MAK: variants seen among roughly 807,000 people sequenced by gnomAD.
The protein encoded by MAK is male germ cell associated kinase.
In MAK, 65 loss-of-function variants were observed where a neutral mutation model predicts 82.6. The ratio of observed to expected loss-of-function variants is 0.79; its 90% CI spans 0.64 to 0.97. The LOEUF is 0.97. MAK is among the 50% of genes least tolerant of loss of function. The probability of loss-of-function intolerance (pLI) is 0.00; values close to 1 mark genes in which losing one functional copy is unlikely to be tolerated. For missense variants in MAK, 703 were observed against 780.2 expected, an observed-to-expected ratio of 0.90 and a Z score of 1.18; for synonymous variants, 250 against 274.2, an observed-to-expected ratio of 0.91 and a Z score of 0.87.
chr6:10,782,983 CTT>C (rs938843902), intron 11 of MAK, among the ~76,000 whole-genome samples: 5 of 152,136 alleles, frequency 3.3e-5, no homozygotes, highest in African/African-American at 9.7e-5. Context: ...AACCTTTTCT[CTT>C]GTTTGCCATG....
intron 5 of MAK, among the ~76,000 whole-genome samples, chr6:10,813,293 C>A (rs752030156): frequency 6.8e-6 from 1 of 146,848 alleles, no homozygotes; most frequent in Non-Finnish European, 1.5e-5. Context: ...GGATTACAGG[C>A]GCCCGCCACC....
At chr6:10,798,114 CTTTT>C (rs554907132) in intron 8 of MAK, 33 of 138,468 alleles carry the variant, frequency 2.4e-4, no homozygotes, top group Non-Finnish European at 4.2e-4. Flanking sequence ...CAACTCTTCC[CTTTT>C]TTTTTTTTTT....
rs1165159718 is a variant in MAK, at chr6:10,784,434, T to C, written c.1455A>G (p.Arg485=). ...CTTTGCTCTACTTACCTGGAAGATA[T>C]CTTGATTGTTTCAAGTAGTACTGTT... is the stretch of plus-strand genomic sequence containing the variant. ...TSKQYYLKQS[R]YLPGVNPKKV... is the part of the protein sequence containing the mutation. The change falls in exon 11 of 15, where the codon AGA becomes AGG. Residue 485 remains arginine, a synonymous_variant. Transcript: ENST00000354489. 1.3e-5 allele frequency: 21 copies of C among 1,614,086 alleles called. No individual in the cohort carries two copies. Among genetic ancestry groups the C allele is most frequent in the Non-Finnish European group, 1.8e-5 (21 of 1,180,032 alleles).
chr6:10,765,020 C>T (rs1365949939), intron 14 of MAK, among the ~76,000 whole-genome samples: 1 of 151,276 alleles, frequency 6.6e-6, no homozygotes, highest in Non-Finnish European at 1.5e-5. Context: ...CACTTGAACC[C>T]GGGAGGCAGT....
intron 14 of MAK, among the ~76,000 whole-genome samples, chr6:10,767,490 C>T (rs1234087365): frequency 1.3e-5 from 2 of 152,112 alleles, no homozygotes; most frequent in Non-Finnish European, 2.9e-5. Flanking sequence ...GGAGGGAAGA[C>T]ATTGATTTTC....
At chr6:10,795,228 G>T (rs766492357) in intron 9 of MAK, among the ~76,000 whole-genome samples, 1 of 150,882 alleles carries the variant, frequency 6.6e-6, no homozygotes. Context: ...GAGATGGGTG[G>T]ATCATCTGAG....
chr6:10,805,273 A>ATTAGTGTT (rs1217980501), intron 6 of MAK, among the ~76,000 whole-genome samples: 15 of 152,296 alleles, frequency 9.8e-5, no homozygotes, highest in African/African-American at 3.6e-4. Context: ...AATGTTCAAT[A>ATTAGTGTT]TTAGTGTTTT....
rs142067093 is a variant in MAK, at chr6:10,777,124, A to G, written c.1466-1665T>C. Among the ~76,000 whole-genome samples, 1,292 of 151,194 alleles carry G rather than the reference A, an allele frequency of 8.5e-3. 7 individuals are homozygous for G. Among genetic ancestry groups the G allele is most frequent in the South Asian group, 0.026 (123 of 4,752 alleles). On this transcript the variant is annotated intron_variant, in intron 11 of 14. Transcript: ENST00000354489. ...CAATTACTCATATTAAAACATCTTT[A>G]GGCCAGGCACAGTGGCTCATGCCTG...
intron 5 of MAK, among the ~76,000 whole-genome samples, chr6:10,811,973 G>A (rs1013431559): frequency 2.3e-4 from 35 of 152,208 alleles, no homozygotes; most frequent in Admixed American, 2.3e-3. Flanking sequence ...GCTGAGGTTG[G>A]AGGATCACTT....
At chr6:10,830,261 G>C (rs1393697006) in intron 2 of MAK, among the ~76,000 whole-genome samples, 1 of 150,414 alleles carries the variant, frequency 6.6e-6, no homozygotes, top group Non-Finnish European at 1.5e-5. Context: ...CACCTCCTGG[G>C]TTCAAGCAAT....
At chr6:10,764,739 G>T in intron 14 of MAK, 133 bp from the exon 15 acceptor site, 1 of 941,780 alleles carries the variant, frequency 1.1e-6, no homozygotes, top group Non-Finnish European at 1.7e-6. Flanking sequence ...TACTCTCTGA[G>T]GCTTTTTAAA....
intron 4 of MAK, among the ~76,000 whole-genome samples, chr6:10,815,383 G>C (rs1777388803): frequency 6.6e-6 from 1 of 152,134 alleles, no homozygotes; most frequent in Non-Finnish European, 1.5e-5. Flanking sequence ...AGCACTCTGG[G>C]AGGCCAAGGC....
chr6:10,787,705 C>A (rs369667807), intron 10 of MAK, among the ~76,000 whole-genome samples: 1 of 151,576 alleles, frequency 6.6e-6, no homozygotes, highest in East Asian at 2.0e-4. Flanking sequence ...AAAAAAAATA[C>A]AAAAAATTAG....
chr6:10,784,175 GGGGGTT>G (rs970130363), intron 11 of MAK, among the ~76,000 whole-genome samples: 3 of 152,094 alleles, frequency 2.0e-5, no homozygotes, highest in African/African-American at 7.2e-5. Flanking sequence ...GGTGGGGGGT[GGGGGTT>G]GGTGTTTTCT....
At chr6:10,833,204 G>A (rs1015305383) in intron 1 of MAK, among the ~76,000 whole-genome samples, 5 of 152,192 alleles carry the variant, frequency 3.3e-5, no homozygotes, top group East Asian at 3.8e-4. Flanking sequence ...ATAAACATGA[G>A]CAGACATAAA....
At chr6:10,771,596 A>G (rs760907175) in intron 13 of MAK, among the ~76,000 whole-genome samples, 1 of 152,224 alleles carries the variant, frequency 6.6e-6, no homozygotes, top group Non-Finnish European at 1.5e-5. Flanking sequence ...TGTTTTCTCT[A>G]TAGCGTTATC....
At chr6:10,825,470 T>C (rs1033410209) in intron 2 of MAK, among the ~76,000 whole-genome samples, 1 of 152,116 alleles carries the variant, frequency 6.6e-6, no homozygotes, top group African/African-American at 2.4e-5. Context: ...CTCGGTGCCC[T>C]AAATGAGGAC....
At chr6:10,795,120 C>T (rs1232024328) in intron 9 of MAK, among the ~76,000 whole-genome samples, 1 of 152,030 alleles carries the variant, frequency 6.6e-6, no homozygotes, top group Non-Finnish European at 1.5e-5. Context: ...CTGGAGTACC[C>T]GATTCTTTTA....
In MAK at chr6:10,830,415, C is replaced by A. The variant is rs938114616; in HGVS notation, c.101+133G>T. On this transcript the variant is annotated intron_variant, in intron 2 of 14. Transcript: ENST00000354489. ...TCCTAACCTCATGATCCGCCCGCCT[C>A]GGCCTCCCAAAGTGCTGGGATTACA... 6.9e-6 allele frequency: 5 copies of A among 728,148 alleles called. No homozygotes were observed. The South Asian group carries it at 7.3e-5, about 11-fold the overall frequency. The allele number at this position is 728,148 out of a possible 1,614,324, so 45.1% of individuals were successfully genotyped here.
Sources: gnomAD v4.1 joint callset for allele counts (sites outside exome capture counted in the v4.1 genomes callset) on GRCh38, gnomAD v4.1.1 for gene constraint, MANE v1.5 for transcripts, NCBI Gene and HGNC (gene_info 2026-07-23, HGNC 2026-07-21) for gene names.